Variants in MYO10 observed in about 807,000 individuals in gnomAD.
MYO10 encodes myosin X.
MYO10 carries 133 observed loss-of-function variants against 257.3 expected under a neutral mutation model. The ratio of observed to expected loss-of-function variants is 0.52; its 90% CI spans 0.45 to 0.60. MYO10 has a LOEUF of 0.60. Among genes scored for constraint, MYO10 ranks in the 20% least tolerant of loss-of-function variants. The probability of loss-of-function intolerance (pLI) is 0.00; values close to 1 mark genes in which losing one functional copy is unlikely to be tolerated. For synonymous variants in MYO10, 1,104 were observed against 1,028.6 expected (o/e 1.07, Z -1.40); for missense variants, 2,399 against 2,635.7 (o/e 0.91, Z 1.97).
intron 4 of MYO10, among the ~76,000 whole-genome samples, chr5:16,793,210 G>A (rs1330162212): frequency 2.6e-5 from 4 of 152,194 alleles, no homozygotes; most frequent in Non-Finnish European, 5.9e-5. Context: ...CCAGGGGTGT[G>A]AGGATCATCA....
intron 19 of MYO10, among the ~76,000 whole-genome samples, chr5:16,742,589 G>A (rs1372327847): frequency 1.3e-5 from 2 of 152,098 alleles, no homozygotes; most frequent in East Asian, 1.9e-4. Flanking sequence ...GGAGGCCTAG[G>A]TGGGTGGATC....
intron 2 of MYO10, among the ~76,000 whole-genome samples, chr5:16,844,907 A>T (rs1051858802): frequency 6.6e-6 from 1 of 151,818 alleles, no homozygotes. Flanking sequence ...ACTCTCCAAC[A>T]AGATTTTATT....
At chr5:16,760,463 A>G (rs1399192844) in intron 17 of MYO10, among the ~76,000 whole-genome samples, 1 of 148,594 alleles carries the variant, frequency 6.7e-6, no homozygotes, top group African/African-American at 2.5e-5. Context: ...CCTGTCTCCA[A>G]AAAAAAAAAA....
intron 2 of MYO10, among the ~76,000 whole-genome samples, chr5:16,832,141 C>T (rs1424400543): frequency 2.6e-5 from 4 of 152,080 alleles, no homozygotes; most frequent in East Asian, 1.9e-4. Flanking sequence ...GGTTTTGCCA[C>T]GTTGTCCAGG....
intron 1 of MYO10, 141 bp downstream of exon 1, chr5:16,935,647 G>T (rs1394482639): frequency 1.1e-6 from 1 of 926,400 alleles, no homozygotes; most frequent in East Asian, 2.6e-5. Context: ...CTCCGCGGGG[G>T]GATGGGGGGT....
At position 16,935,853 on chromosome 5, in the gene MYO10, CG is replaced by C. The variant is rs1561069442; in HGVS notation, c.-46del. The C allele has an allele frequency of 5.0e-6, 8 of 1,608,670 alleles. No individual in the cohort carries two copies. The highest frequency in any genetic ancestry group is 1.1e-5 in the South Asian group (1 of 90,344). ...ACTCGCCGAGTGCCGCTCCGACTCG[CG>C]GAAGTCAGCGCCGCCGCGGGTCCGG... On this transcript the variant is annotated 5_prime_UTR_variant, in exon 1 of 41. Coordinates refer to ENST00000513610, the MANE Select transcript of MYO10 (RefSeq NM_012334.3).
chr5:16,815,886 T>A (rs944992239), intron 3 of MYO10, among the ~76,000 whole-genome samples: 2 of 132,208 alleles, frequency 1.5e-5, no homozygotes, highest in Middle Eastern at 3.5e-3. Context: ...CATTACCTTT[T>A]CTGAACATAT....
intron 21 of MYO10, among the ~76,000 whole-genome samples, chr5:16,706,296 T>C (rs1738336879): frequency 6.6e-6 from 1 of 151,924 alleles, no homozygotes; most frequent in Admixed American, 6.6e-5. Flanking sequence ...TACATATACA[T>C]GAGAATATAT....
intron 30 of MYO10, 109 bp downstream of exon 30, chr5:16,683,771 T>G (rs923292335): frequency 9.2e-7 from 1 of 1,087,256 alleles, no homozygotes; most frequent in Admixed American, 2.0e-5. Flanking sequence ...ACACACAGCC[T>G]TGCGTGATTT....
chr5:16,835,967 T>G (rs57119499), intron 2 of MYO10, among the ~76,000 whole-genome samples: 6 of 152,164 alleles, frequency 3.9e-5, no homozygotes, highest in Admixed American at 6.5e-5. Context: ...TAAGTGTCTA[T>G]GAAAGCAAAG....
chr5:16,741,577 G>A (rs907085566), intron 19 of MYO10, among the ~76,000 whole-genome samples: 1 of 151,972 alleles, frequency 6.6e-6, no homozygotes, highest in Non-Finnish European at 1.5e-5. Flanking sequence ...CATTATCAAC[G>A]CCTTAACTGA....
At chr5:16,913,957 T>A (rs967692630) in intron 1 of MYO10, among the ~76,000 whole-genome samples, 5 of 152,116 alleles carry the variant, frequency 3.3e-5, no homozygotes, top group Admixed American at 2.0e-4. Context: ...CAGCCCCTTT[T>A]ATGGGATTTC....
chr5:16,813,444 T>C (rs1742501897), intron 3 of MYO10, among the ~76,000 whole-genome samples: 1 of 151,492 alleles, frequency 6.6e-6, no homozygotes. Flanking sequence ...ACTATATATA[T>C]ACTCAGGCGA....
chr5:16,693,933 CAGA>C (rs1254845284), intron 27 of MYO10, among the ~76,000 whole-genome samples: 1 of 152,222 alleles, frequency 6.6e-6, no homozygotes, highest in Non-Finnish European at 1.5e-5. Flanking sequence ...ACTGGTATAA[CAGA>C]AGAGAAGTGA....
chr5:16,772,587 C>T (rs1000407542), intron 9 of MYO10, among the ~76,000 whole-genome samples: 1 of 152,052 alleles, frequency 6.6e-6, no homozygotes, highest in African/African-American at 2.4e-5. Flanking sequence ...AAACTAGTTC[C>T]AATAGTTACT....
At chr5:16,761,608 A>G (rs1652383679) in intron 16 of MYO10, 62 bp from the exon 17 acceptor site, 1 of 1,194,708 alleles carries the variant, frequency 8.4e-7, no homozygotes, top group African/African-American at 1.5e-5. Context: ...GTCATAAGCA[A>G]CTTCCCTGAA....
Position 16,737,719 on chromosome 5 carries a change from G to A in MYO10, c.1929+17109C>T, listed in dbSNP as rs544066711. Among the ~76,000 whole-genome samples the A allele has an allele frequency of 1.7e-3, 258 of 152,298 alleles. No homozygotes were observed. In the Middle Eastern group the frequency reaches 0.024, roughly 14 times the overall value. ...TGGTTTTGCCCCCTGGGGGGCACCC[G>A]GGAAAGTCTGGAGACGTTGAGAGAG... On this transcript the variant is annotated intron_variant, in intron 19 of 40. Transcript: ENST00000513610.
At chr5:16,700,753 G>T (rs960639909) in intron 25 of MYO10, among the ~76,000 whole-genome samples, 1 of 152,214 alleles carries the variant, frequency 6.6e-6, no homozygotes, top group African/African-American at 2.4e-5. Flanking sequence ...TCTAGGCTTT[G>T]TGCTAAAACT....
At chr5:16,853,317 T>C (rs1419483978) in intron 2 of MYO10, among the ~76,000 whole-genome samples, 1 of 150,326 alleles carries the variant, frequency 6.7e-6, no homozygotes, top group African/African-American at 2.5e-5. Flanking sequence ...GAGCTTGCAG[T>C]GAGCTGAGAT....
Sources: allele counts gnomAD v4.1 joint callset (sites outside exome capture counted in the v4.1 genomes callset), GRCh38; gene constraint gnomAD v4.1.1; transcripts MANE v1.5; gene names NCBI Gene and HGNC (gene_info 2026-07-23, HGNC 2026-07-21).